The following TOP1MT variants were observed in gnomAD, a reference collection of about 807,000 sequenced individuals.
The protein encoded by TOP1MT is DNA topoisomerase I mitochondrial, also known as DNA topoisomerase I, mitochondrial.
Under a neutral mutation model 73.9 loss-of-function variants are expected in TOP1MT, and 80 were observed. The observed-to-expected ratio is 1.08, with a 90% confidence interval of 0.90 to 1.30. TOP1MT has a LOEUF of 1.30. TOP1MT is among the 50% of genes most tolerant of loss of function. The probability of loss-of-function intolerance (pLI) is 0.00; values close to 1 mark genes in which losing one functional copy is unlikely to be tolerated. For synonymous variants in TOP1MT, 338 were observed against 326.4 expected, an observed-to-expected ratio of 1.04 and a Z score of -0.38; for missense variants, 815 against 808.0, an observed-to-expected ratio of 1.01 and a Z score of -0.10.
At chr8:143,323,183 CCA>C (rs1465102436) in intron 7 of TOP1MT, among the ~76,000 whole-genome samples, 2 of 111,210 alleles carry the variant, frequency 1.8e-5, no homozygotes, top group Non-Finnish European at 3.6e-5. Context: ...CACAGGCACG[CCA>C]CACACGCATG....
intron 7 of TOP1MT, 95 bp from the exon 8 acceptor site, chr8:143,321,481 ACGCACGCCACACACG>A (rs755136590): frequency 0.32 from 311,525 of 974,008 alleles, 85,153 homozygotes; most frequent in East Asian, 0.65. Context: ...CGCACGCCAC[ACGCACGCCACACACG>A]CACGCCACAC....
Position 143,331,308 on chromosome 8 carries a change from T to A in TOP1MT, c.154A>T (p.Lys52Ter), listed in dbSNP as rs1383234389. ...WEKEKHEDGV[K>*]WRQLEHKGPY... The stretch of plus-strand genomic sequence containing the variant: ...CCCTTGTGCTCCAGCTGTCTCCACT[T>A]CACCCCGTCTTCGTGCTTCTCCTTC... Residue 52 changes from lysine (K) to a stop codon, truncating the protein, a stop_gained, in exon 2 of 14, where the codon AAG (lysine) becomes TAG (stop). Transcript: ENST00000329245. LOFTEE classifies it high-confidence loss of function. 10 of 1,612,612 alleles carry A rather than the reference T, an allele frequency of 6.2e-6. No individual in the cohort carries two copies. The highest frequency in any genetic ancestry group is 8.5e-6 in the Non-Finnish European group (10 of 1,178,988).
intron 1 of TOP1MT, chr8:143,343,581 G>C (rs1817169631): frequency 3.8e-6 from 1 of 262,524 alleles, no homozygotes; most frequent in Admixed American, 4.7e-5. Flanking sequence ...GGCAGTAAAA[G>C]GCAGCTCCCA....
rs778053582 is a variant in TOP1MT, at chr8:143,321,359, CCTT to C, written c.985_987del (p.Lys329del). On this transcript the variant is annotated inframe_deletion, in exon 8 of 14. Coordinates refer to ENST00000329245, the MANE Select transcript of TOP1MT (RefSeq NM_052963.3). The stretch of plus-strand genomic sequence containing the variant: ...ACGGTGTCGGCCGCCTCACCGTCCT[CCTT>C]CTCATTTCCTGCTCTCAGTGCCAGC... 2.4e-5 allele frequency: 38 copies of C among 1,594,626 alleles called. 1 individual carries two copies. The highest frequency in any genetic ancestry group is 2.2e-4 in the Admixed American group (13 of 59,160).
Position 143,309,381 on chromosome 8 carries a change from C to A in TOP1MT, c.*60G>T. 1 of 1,557,346 alleles carries A rather than the reference C, an allele frequency of 6.4e-7. No individual in the cohort carries two copies. Among genetic ancestry groups the A allele is most frequent in the Non-Finnish European group, 8.8e-7 (1 of 1,137,892 alleles). The stretch of plus-strand genomic sequence containing the variant: ...TTTTATTGTACAAAATTCCCCAGTA[C>A]TGCTTTAATAGTGAAAAAAACACAC... On this transcript the variant is annotated 3_prime_UTR_variant, in exon 14 of 14. Transcript: ENST00000329245.
At chr8:143,324,950 G>A (rs1227640221) in intron 5 of TOP1MT, among the ~76,000 whole-genome samples, 1 of 152,186 alleles carries the variant, frequency 6.6e-6, no homozygotes, top group Non-Finnish European at 1.5e-5. Context: ...TGGGGGTCCT[G>A]CAGGCAGGGT....
chr8:143,334,899 G>GC (rs1260445963), upstream of TOP1MT: 1 of 1,372,014 alleles, frequency 7.3e-7, no homozygotes, highest in Middle Eastern at 2.7e-4. Flanking sequence ...GCTGGGCCCC[G>GC]CCCCAGCGGC....
chr8:143,359,823 C>A (rs9694798), upstream of TOP1MT: 23,456 of 152,260 alleles, frequency 0.15, 6,082 homozygotes, highest in African/African-American at 0.54. Flanking sequence ...CACTGAGGGC[C>A]CCGCCTGACC....
intron 11 of TOP1MT, 24 bp downstream of exon 11, chr8:143,315,975 G>A: frequency 2.5e-6 from 4 of 1,613,716 alleles, no homozygotes; most frequent in African/African-American, 1.3e-5. Flanking sequence ...GGGCTGGGCT[G>A]GGGGCTCTCC....
At chr8:143,314,549 G>A (rs55996438) in intron 12 of TOP1MT, among the ~76,000 whole-genome samples, 52 of 148,618 alleles carry the variant, frequency 3.5e-4, no homozygotes, top group Non-Finnish European at 5.9e-4. Context: ...AGCTGAGACC[G>A]CGCCAGCGCA....
intron 7 of TOP1MT, among the ~76,000 whole-genome samples, chr8:143,322,369 CAG>C (rs1224146988): frequency 2.2e-5 from 2 of 92,154 alleles, no homozygotes; most frequent in Admixed American, 1.2e-4. Context: ...GCCACACACA[CAG>C]GCACGCCACA....
In TOP1MT at chr8:143,321,197, TCACCGGCTTCTC is replaced by T. The variant is rs1459940682; in HGVS notation, c.1138_1146+3del. On this transcript the variant is annotated splice_donor_variant and splice_donor_region_variant and coding_sequence_variant and intron_variant, in exon 8 of 14. Transcript: ENST00000329245. LOFTEE classifies it high-confidence loss of function. ...GCGGGGGCAGCTGGCGCGAGGGCAC[TCACCGGCTTCTC>T]CACCGGCACTCTGTTGTAGTAGCGG... 1.3e-6 allele frequency: 2 copies of T among 1,587,636 alleles called. No homozygotes were observed. Among genetic ancestry groups the T allele is most frequent in the African/African-American group, 2.7e-5 (2 of 73,952 alleles).
At chr8:143,327,764 C>A (rs35096181) in intron 3 of TOP1MT, 319,036 of 434,646 alleles carry the variant, frequency 0.73, 119,083 homozygotes, top group South Asian at 0.84. Context: ...TGGCATCAGG[C>A]CAAAGAAGAG....
Position 143,344,974 on chromosome 8 carries a change from G to C in TOP1MT, c.-97C>G, listed in dbSNP as rs1460467937. ...ATCACAGCCACAGTCATCAGCACGG[G>C]CTGCAGTCTGGGGTAGAAAAATCAG... On this transcript the variant is annotated 5_prime_UTR_variant, in exon 1 of 6. Transcript: ENST00000518007. This position sits in a 1 kb window ranked among gnomAD's most constrained non-coding sequence, Gnocchi z 4.6. 6.6e-6 allele frequency: 1 copy of C among 152,310 alleles called. No homozygotes were observed. Among genetic ancestry groups the C allele is most frequent in the Non-Finnish European group, 1.5e-5 (1 of 68,110 alleles). The allele number at this position is 152,310 out of a possible 1,614,324, so 9.4% of individuals were successfully genotyped here. A position where few individuals can be genotyped will look rare whatever the true frequency, so the allele number is the denominator to read the frequency against.
At chr8:143,349,866 C>T (rs1053910018), upstream of TOP1MT, among the ~76,000 whole-genome samples, 1 of 152,168 alleles carries the variant, frequency 6.6e-6, no homozygotes, top group African/African-American at 2.4e-5. Context: ...GTCTCGAACT[C>T]CTGACCTCAA....
chr8:143,334,059 T>C (rs900542020), intron 1 of TOP1MT: 1 of 152,318 alleles, frequency 6.6e-6, no homozygotes, highest in Admixed American at 6.5e-5. Context: ...AAGTGAATGA[T>C]GATAAACCGC....
At chr8:143,330,186 G>A (rs1816814394) in intron 2 of TOP1MT, among the ~76,000 whole-genome samples, 1 of 152,206 alleles carries the variant, frequency 6.6e-6, no homozygotes, top group South Asian at 2.1e-4. Context: ...AGGCCCGAGG[G>A]GCTCAGCTCC....
upstream of TOP1MT, among the ~76,000 whole-genome samples, chr8:143,356,642 C>T (rs1817412758): frequency 6.7e-6 from 1 of 149,752 alleles, no homozygotes; most frequent in African/African-American, 2.5e-5. Context: ...TAAAATTAGC[C>T]AGTCATGGTG....
upstream of TOP1MT, among the ~76,000 whole-genome samples, chr8:143,348,689 G>A (rs1817270181): frequency 6.6e-6 from 1 of 152,194 alleles, no homozygotes; most frequent in African/African-American, 2.4e-5. The surrounding 1 kb of genome is among the most constrained non-coding windows in gnomAD (Gnocchi z 4.6). Context: ...TGGTGACAGG[G>A]AGAGTCAGAG....
Sources: allele counts gnomAD v4.1 joint callset (sites outside exome capture counted in the v4.1 genomes callset), GRCh38; gene constraint gnomAD v4.1.1; non-coding constraint Gnocchi (gnomAD v3.1); transcripts MANE v1.5; gene names NCBI Gene and HGNC (gene_info 2026-07-23, HGNC 2026-07-21).